IGSF10: variants seen among roughly 807,000 people sequenced by gnomAD.
The protein encoded by IGSF10 is immunoglobulin superfamily member 10, also known as calvaria mechanical force protein 608.
In IGSF10, 126 loss-of-function variants were observed where a neutral mutation model predicts 128.2. The ratio of observed to expected loss-of-function variants is 0.98; its 90% confidence interval spans 0.85 to 1.14. The LOEUF is 1.14. Ranked by LOEUF, IGSF10 falls within the 50% of genes most tolerant of loss-of-function variation. The pLI is 0.00. For missense variants in IGSF10, 3,295 were observed against 3,149.8 expected, an observed-to-expected ratio of 1.05 and a Z score of -1.10; for synonymous variants, 1,185 against 1,146.2, an observed-to-expected ratio of 1.03 and a Z score of -0.68.
At chr3:151,609,195 G>C in the IGSF10 span, among the ~76,000 whole-genome samples, 1 of 152,200 alleles carries the variant, frequency 6.6e-6, no homozygotes, top group African/African-American at 2.4e-5. Flanking sequence ...AATAGCAAAG[G>C]ACCTGAGGTG....
At chr3:151,507,148 G>A in the IGSF10 span, among the ~76,000 whole-genome samples, 1 of 152,090 alleles carries the variant, frequency 6.6e-6, no homozygotes, top group South Asian at 2.1e-4. Context: ...AGTCCAATAT[G>A]GCCCTTTATT....
the IGSF10 span, among the ~76,000 whole-genome samples, chr3:151,504,779 C>G: frequency 1.7e-4 from 26 of 152,326 alleles, no homozygotes; most frequent in African/African-American, 6.0e-4. Flanking sequence ...ACGTGGCCAA[C>G]TGTTCGTGTT....
the IGSF10 span, among the ~76,000 whole-genome samples, chr3:151,474,550 C>A: frequency 6.6e-6 from 1 of 152,216 alleles, no homozygotes; most frequent in African/African-American, 2.4e-5. Flanking sequence ...AACTATGGTC[C>A]TTAGTCGCTC....
the IGSF10 span, among the ~76,000 whole-genome samples, chr3:151,500,757 T>A: frequency 6.6e-6 from 1 of 152,238 alleles, no homozygotes; most frequent in South Asian, 2.1e-4. Context: ...TTCCATATCG[T>A]CTTTTCTCTG....
chr3:151,598,845 G>T, the IGSF10 span, among the ~76,000 whole-genome samples: 2 of 152,142 alleles, frequency 1.3e-5, no homozygotes, highest in African/African-American at 2.4e-5. Context: ...GGGCTCATTT[G>T]TATTTAACAT....
chr3:151,515,733 G>A, the IGSF10 span, among the ~76,000 whole-genome samples: 1 of 143,140 alleles, frequency 7.0e-6, no homozygotes, highest in African/African-American at 2.8e-5. Flanking sequence ...GTGTGTGTGT[G>A]TGTGTGTGTG....
chr3:151,443,106 G>T lies in IGSF10; in HGVS notation c.5841C>A (p.Ser1947=), dbSNP rs763431630. Residue 1947 remains serine, a synonymous_variant, in exon 7 of 8, where the codon TCC becomes TCA. Transcript: ENST00000282466. ...CAAAATTCACTTCAGTCCTTTTCTGGGATGCAGCTTCTATCCTGGGGCTGG... is the reference window on the plus strand; with the variant it reads ...CAAAATTCACTTCAGTCCTTTTCTGTGATGCAGCTTCTATCCTGGGGCTGG... The part of the protein sequence containing the change: ...RVTSPRIEAA[S]QKRTEVNFGD... 1 of 1,614,126 alleles carries T rather than the reference G, an allele frequency of 6.2e-7. No individual in the cohort carries two copies. The highest frequency in any genetic ancestry group is 2.2e-5 in the East Asian group (1 of 44,876).
chr3:151,578,634 T>C, the IGSF10 span, among the ~76,000 whole-genome samples: 1 of 152,096 alleles, frequency 6.6e-6, no homozygotes, highest in African/African-American at 2.4e-5. Flanking sequence ...GTAACAGCAA[T>C]GGGAGATAAA....
chr3:151,476,296 T>G, the IGSF10 span: 1 of 152,432 alleles, frequency 6.6e-6, no homozygotes, highest in Non-Finnish European at 1.5e-5. Context: ...CTTGTATCGG[T>G]TTGAACCCTG....
At chr3:151,440,844 A>G (rs1720812591) in intron 7 of IGSF10, 1 of 294,346 alleles carries the variant, frequency 3.4e-6, no homozygotes, top group Admixed American at 3.9e-5. Context: ...TGGGTTCTCA[A>G]TGAAGATCCC....
chr3:151,477,224 T>C, the IGSF10 span, among the ~76,000 whole-genome samples: 2 of 152,192 alleles, frequency 1.3e-5, no homozygotes, highest in South Asian at 2.1e-4. Flanking sequence ...TTTAATACCA[T>C]ATTTTATTAG....
chr3:151,595,744 G>A, the IGSF10 span, among the ~76,000 whole-genome samples: 323 of 149,588 alleles, frequency 2.2e-3, 1 homozygote, highest in African/African-American at 7.6e-3. Flanking sequence ...AAAAAAAGGT[G>A]AAGTACATAG....
At chr3:151,571,903 C>G in the IGSF10 span, among the ~76,000 whole-genome samples, 5 of 152,250 alleles carry the variant, frequency 3.3e-5, no homozygotes, top group South Asian at 1.0e-3. Context: ...CCATCAATAC[C>G]TAACATATTG....
At chr3:151,552,869 T>C in the IGSF10 span, among the ~76,000 whole-genome samples, 1 of 152,130 alleles carries the variant, frequency 6.6e-6, no homozygotes, top group African/African-American at 2.4e-5. Flanking sequence ...GGCCTTCTTT[T>C]TACTGTTAAA....
At chr3:151,619,828 G>T in the IGSF10 span, among the ~76,000 whole-genome samples, 1 of 152,026 alleles carries the variant, frequency 6.6e-6, no homozygotes, top group African/African-American at 2.4e-5. Context: ...TAGGTTAATG[G>T]GTTATAACAG....
At chr3:151,516,251 C>T in the IGSF10 span, among the ~76,000 whole-genome samples, 2 of 152,028 alleles carry the variant, frequency 1.3e-5, no homozygotes, top group Non-Finnish European at 2.9e-5. Context: ...AAGTTTCTCC[C>T]TGGAAGATGA....
At chr3:151,511,465 G>A in the IGSF10 span, among the ~76,000 whole-genome samples, 2 of 152,166 alleles carry the variant, frequency 1.3e-5, no homozygotes, top group Non-Finnish European at 2.9e-5. Context: ...CCTGAAGGAA[G>A]CACTAAACAT....
At chr3:151,484,924 CA>C in the IGSF10 span, among the ~76,000 whole-genome samples, 1 of 152,000 alleles carries the variant, frequency 6.6e-6, no homozygotes, top group Non-Finnish European at 1.5e-5. Context: ...TCCTTGCCAG[CA>C]AGGGAACAAA....
intron 7 of IGSF10, among the ~76,000 whole-genome samples, chr3:151,441,409 T>G (rs2108537059): frequency 6.6e-6 from 1 of 152,280 alleles, no homozygotes; most frequent in East Asian, 1.9e-4. Flanking sequence ...CTAAACAAAT[T>G]TCAATTTAAT....
Sources: allele counts gnomAD v4.1 joint callset (sites outside exome capture counted in the v4.1 genomes callset), GRCh38; gene constraint gnomAD v4.1.1; transcripts MANE v1.5; gene names NCBI Gene and HGNC (gene_info 2026-07-23, HGNC 2026-07-21).